The following BLVRA variants were observed in gnomAD, a reference collection of about 807,000 sequenced individuals.
BLVRA encodes BVR A.
A neutral mutation model predicts 32.8 loss-of-function variants in BLVRA; 22 were observed. The ratio of observed to expected loss-of-function variants is 0.67; its 90% CI spans 0.48 to 0.96. BLVRA has a LOEUF of 0.96. Ranked by LOEUF, BLVRA falls within the 40% of genes least tolerant of loss-of-function variation. The probability of loss-of-function intolerance (pLI) is 0.00; values close to 1 mark genes in which losing one functional copy is unlikely to be tolerated. For synonymous variants in BLVRA, 119 were observed against 141.3 expected, an observed-to-expected ratio of 0.84 and a Z score of 1.12; for missense variants, 323 against 358.1, an observed-to-expected ratio of 0.90 and a Z score of 0.79.
intron 1 of BLVRA, among the ~76,000 whole-genome samples, chr7:43,767,844 A>C (rs933478067): frequency 1.6e-5 from 2 of 126,840 alleles, no homozygotes; most frequent in South Asian, 3.1e-4. Flanking sequence ...TATGTTAATT[A>C]CAAAAAAAAA....
chr7:43,758,338 C>A (rs1008999135), upstream of BLVRA, among the ~76,000 whole-genome samples: 1 of 152,140 alleles, frequency 6.6e-6, no homozygotes, highest in Non-Finnish European at 1.5e-5. Context: ...CCTGCCCCCC[C>A]CACGCCGGGG....
chr7:43,784,207 C>T (rs2095773988), intron 2 of BLVRA, among the ~76,000 whole-genome samples: 1 of 152,170 alleles, frequency 6.6e-6, no homozygotes, highest in Non-Finnish European at 1.5e-5. Flanking sequence ...TTTGTAGTGG[C>T]ATTTTCCCAA....
chr7:43,775,147 A>G (rs948180433), intron 2 of BLVRA, among the ~76,000 whole-genome samples: 64 of 151,990 alleles, frequency 4.2e-4, no homozygotes, highest in African/African-American at 1.5e-3. Context: ...CTCCTGCCTG[A>G]TTGCCCTGGC....
chr7:43,758,339 C>G (rs140417693), upstream of BLVRA, among the ~76,000 whole-genome samples: 3 of 152,136 alleles, frequency 2.0e-5, no homozygotes, highest in Non-Finnish European at 2.9e-5. Flanking sequence ...CTGCCCCCCC[C>G]ACGCCGGGGC....
chr7:43,768,931 ATTTTTT>A (rs55853184), intron 1 of BLVRA, among the ~76,000 whole-genome samples: 1 of 144,274 alleles, frequency 6.9e-6, no homozygotes, highest in African/African-American at 2.6e-5. Flanking sequence ...TCCTTCTGAG[ATTTTTT>A]TTTTTTTTAA....
At chr7:43,771,715 C>T (rs899090821) in intron 2 of BLVRA, among the ~76,000 whole-genome samples, 1 of 152,246 alleles carries the variant, frequency 6.6e-6, no homozygotes, top group African/African-American at 2.4e-5. Context: ...ATGGCAAACA[C>T]AGAGGCCATC....
chr7:43,761,040 G>A (rs1232517233), intron 1 of BLVRA, among the ~76,000 whole-genome samples: 1 of 152,180 alleles, frequency 6.6e-6, no homozygotes, highest in Non-Finnish European at 1.5e-5. Context: ...AAAGTGCTGG[G>A]ATTACAGGCG....
At chr7:43,806,843 T>C in intron 7 of BLVRA, 134 bp from the exon 8 acceptor site, 1 of 959,980 alleles carries the variant, frequency 1.0e-6, no homozygotes, top group East Asian at 2.4e-5. Flanking sequence ...ACCCACAGCC[T>C]CTGGGAGGCT....
intron 5 of BLVRA, among the ~76,000 whole-genome samples, chr7:43,796,541 A>G (rs2095793072): frequency 6.6e-6 from 1 of 152,230 alleles, no homozygotes; most frequent in African/African-American, 2.4e-5. Flanking sequence ...ACCTTACACC[A>G]TATAAAAAAT....
chr7:43,771,461 T>A (rs912746084), intron 2 of BLVRA, among the ~76,000 whole-genome samples: 2 of 152,186 alleles, frequency 1.3e-5, no homozygotes, highest in African/African-American at 4.8e-5. Context: ...TGGGCCCAGA[T>A]CCCTGCTTTG....
intron 1 of BLVRA, among the ~76,000 whole-genome samples, chr7:43,766,994 C>G (rs1181122742): frequency 6.6e-6 from 1 of 152,108 alleles, no homozygotes; most frequent in East Asian, 1.9e-4. Flanking sequence ...GAACAAAACC[C>G]TGACCCTGAA....
intron 2 of BLVRA, among the ~76,000 whole-genome samples, chr7:43,775,687 G>A (rs2095759954): frequency 6.6e-6 from 1 of 152,110 alleles, no homozygotes; most frequent in South Asian, 2.1e-4. Context: ...CTCTTTTTCT[G>A]TTGATTGTAA....
At chr7:43,784,103 T>A (rs1223196817) in intron 2 of BLVRA, among the ~76,000 whole-genome samples, 1 of 152,022 alleles carries the variant, frequency 6.6e-6, no homozygotes, top group Non-Finnish European at 1.5e-5. Flanking sequence ...CCTAAGTGAG[T>A]TTTTTAGTCA....
At chr7:43,793,723 A>C (rs547139117) in intron 5 of BLVRA, among the ~76,000 whole-genome samples, 25 of 150,480 alleles carry the variant, frequency 1.7e-4, no homozygotes, top group Non-Finnish European at 3.4e-4. Context: ...TCCTGGGTTC[A>C]AGGGATTCTC....
chr7:43,769,509 T>C lies in BLVRA; in HGVS notation c.-21-1629T>C, dbSNP rs574963752. On this transcript the variant is annotated intron_variant, in intron 1 of 7. Transcript: ENST00000265523. ...CCAGACTGCAAAAGGAAAGGCATCA[T>C]GTGTGCTGGCCAGGTTGGGTCATGA... Among the ~76,000 whole-genome samples, 4 of 152,198 alleles carry C rather than the reference T, an allele frequency of 2.6e-5. No individual in the cohort carries two copies. The East Asian group carries it at 7.7e-4, about 29-fold the overall frequency.
intron 2 of BLVRA, among the ~76,000 whole-genome samples, chr7:43,785,177 G>A (rs968735652): frequency 6.6e-6 from 1 of 151,910 alleles, no homozygotes; most frequent in African/African-American, 2.4e-5. Context: ...GTAACCTTAA[G>A]AATGCCATAA....
intron 5 of BLVRA, among the ~76,000 whole-genome samples, chr7:43,798,960 T>C (rs2095795770): frequency 6.6e-6 from 1 of 151,356 alleles, no homozygotes; most frequent in South Asian, 2.1e-4. Context: ...AAATATAACA[T>C]GTTCCCCAGA....
chr7:43,791,354 T>A lies in BLVRA; in HGVS notation c.240T>A (p.His80Gln), dbSNP rs1447542342. 6.2e-7 allele frequency: 1 copy of A among 1,614,146 alleles called. No homozygotes were observed. Residue 80 changes from histidine (H) to glutamine (Q), a missense_variant, in exon 4 of 8, where the codon CAT (histidine) becomes CAA (glutamine). By Grantham distance (24) the His-to-Gln change is conservative. Transcript: ENST00000265523. ...VAYICSESSSHEDYIRQFLNA... is the reference protein window; with the variant it reads ...VAYICSESSSQEDYIRQFLNA... ...ATATCTGCAGTGAGAGCTCCAGCCA[T>A]GAGGACTACATCAGGTGGGTTTTCC...
intron 5 of BLVRA, among the ~76,000 whole-genome samples, chr7:43,797,598 A>G (rs984010721): frequency 2.0e-5 from 3 of 152,220 alleles, no homozygotes; most frequent in Non-Finnish European, 4.4e-5. Context: ...ATGTAACCGC[A>G]TACAACCATC....
Sources: gnomAD v4.1 joint callset for allele counts (sites outside exome capture counted in the v4.1 genomes callset) on GRCh38, gnomAD v4.1.1 for gene constraint, MANE v1.5 for transcripts, NCBI Gene and HGNC (gene_info 2026-07-23, HGNC 2026-07-21) for gene names.